The following SUGCT variants were observed in gnomAD, a reference collection of about 807,000 sequenced individuals.
SUGCT encodes succinyl-CoA:glutarate CoA-transferase.
A neutral mutation model predicts 55.0 loss-of-function variants in SUGCT; 41 were observed. That is an observed-to-expected ratio of 0.74 (90% confidence interval 0.58 to 0.97). The LOEUF (loss-of-function observed/expected upper bound fraction) is 0.97. Ranked by LOEUF, SUGCT falls within the 50% of genes least tolerant of loss-of-function variation. The pLI, the probability that SUGCT is intolerant of heterozygous loss-of-function variation, is 0.00. For synonymous variants in SUGCT, 187 were observed against 200.4 expected, an observed-to-expected ratio of 0.93 and a Z score of 0.56; for missense variants, 568 against 547.8, an observed-to-expected ratio of 1.04 and a Z score of -0.37.
intron 12 of SUGCT, among the ~76,000 whole-genome samples, chr7:40,583,750 A>C (rs1584049179): frequency 6.6e-6 from 1 of 152,244 alleles, no homozygotes; most frequent in African/African-American, 2.4e-5. Flanking sequence ...ATCTACTCTG[A>C]ATCTTTGGAT....
Position 40,480,713 on chromosome 7 carries a change from G to A in SUGCT, c.987-15571G>A, listed in dbSNP as rs145682450. On this transcript the variant is annotated intron_variant, in intron 11 of 13. Coordinates refer to ENST00000335693, the MANE Select transcript of SUGCT (RefSeq NM_001193313.2). ...ATGTTGTATAATTTTTAGTGTACACGTCTTTTAATTTTCTGGTTGATTTTT... is the reference window on the plus strand; with the variant it reads ...ATGTTGTATAATTTTTAGTGTACACATCTTTTAATTTTCTGGTTGATTTTT... Among the ~76,000 whole-genome samples, 772 of 151,870 alleles carry A rather than the reference G, an allele frequency of 5.1e-3. 9 individuals carry two copies. Among genetic ancestry groups the A allele is most frequent in the African/African-American group, 0.017 (715 of 41,410 alleles).
At chr7:40,856,827 T>C (rs902307410) in intron 13 of SUGCT, among the ~76,000 whole-genome samples, 5 of 152,274 alleles carry the variant, frequency 3.3e-5, no homozygotes, top group African/African-American at 2.4e-5. Context: ...TCCAGAAGGA[T>C]TGCACCAATT....
chr7:40,684,190 C>T (rs1326851558), intron 12 of SUGCT: 2 of 1,520,068 alleles, frequency 1.3e-6, no homozygotes, highest in Admixed American at 4.4e-5. Flanking sequence ...AAAGGATAAT[C>T]CAGGATAATT....
chr7:40,298,660 A>G (rs1011447848), intron 8 of SUGCT, among the ~76,000 whole-genome samples: 1 of 152,072 alleles, frequency 6.6e-6, no homozygotes, highest in Non-Finnish European at 1.5e-5. Context: ...TTTCCTGACC[A>G]CTATCATGTC....
At chr7:40,768,974 G>C (rs1294130356) in intron 13 of SUGCT, among the ~76,000 whole-genome samples, 5 of 152,140 alleles carry the variant, frequency 3.3e-5, no homozygotes, top group Non-Finnish European at 7.3e-5. Context: ...GAGAAGTCTT[G>C]ACTACAGTGG....
intron 12 of SUGCT, among the ~76,000 whole-genome samples, chr7:40,681,980 G>A (rs76262381): frequency 6.6e-6 from 1 of 152,270 alleles, no homozygotes; most frequent in East Asian, 1.9e-4. Context: ...AGGGGTGCAT[G>A]TGAAGATATC....
chr7:40,259,624 G>A (rs1343250357), intron 7 of SUGCT, among the ~76,000 whole-genome samples: 2 of 152,096 alleles, frequency 1.3e-5, no homozygotes, highest in Non-Finnish European at 2.9e-5. Context: ...CATCACACGA[G>A]GTATATGTGA....
intron 12 of SUGCT, among the ~76,000 whole-genome samples, chr7:40,584,303 G>A (rs923933903): frequency 3.9e-5 from 6 of 152,132 alleles, no homozygotes; most frequent in African/African-American, 1.2e-4. Context: ...TGCCAAACAA[G>A]TAAGTCTTTA....
chr7:40,786,929 G>A (rs1479919242), intron 13 of SUGCT, among the ~76,000 whole-genome samples: 1 of 152,194 alleles, frequency 6.6e-6, no homozygotes, highest in Non-Finnish European at 1.5e-5. Flanking sequence ...GAATGTACCA[G>A]TGCACACAAG....
chr7:40,388,787 T>C (rs1785255131), intron 9 of SUGCT, among the ~76,000 whole-genome samples: 1 of 152,212 alleles, frequency 6.6e-6, no homozygotes, highest in South Asian at 2.1e-4. Context: ...CACATCATCA[T>C]GCTCTGAAGT....
intron 13 of SUGCT, among the ~76,000 whole-genome samples, chr7:40,826,669 G>A (rs1273573147): frequency 6.6e-6 from 1 of 152,180 alleles, no homozygotes; most frequent in Non-Finnish European, 1.5e-5. Flanking sequence ...AGTATGTGGA[G>A]AATGTTGTTA....
intron 13 of SUGCT, among the ~76,000 whole-genome samples, chr7:40,755,499 C>T (rs1156245445): frequency 1.3e-5 from 2 of 152,290 alleles, no homozygotes; most frequent in East Asian, 1.9e-4. Context: ...TTATCACATT[C>T]CAAAGGTTGG....
intron 8 of SUGCT, among the ~76,000 whole-genome samples, chr7:40,304,048 CAA>C (rs529987357): frequency 1.5e-4 from 9 of 61,542 alleles, no homozygotes; most frequent in Non-Finnish European, 1.9e-4. Flanking sequence ...GACTCCATCT[CAA>C]AAAAAAAAAA....
chr7:40,727,541 T>A (rs1180115900), intron 12 of SUGCT, among the ~76,000 whole-genome samples: 1 of 152,224 alleles, frequency 6.6e-6, no homozygotes, highest in Non-Finnish European at 1.5e-5. Context: ...GTGTACTTCA[T>A]GTCTGATATC....
intron 10 of SUGCT, among the ~76,000 whole-genome samples, chr7:40,449,782 T>C (rs1442278724): frequency 6.6e-6 from 1 of 152,192 alleles, no homozygotes; most frequent in East Asian, 1.9e-4. Flanking sequence ...ATATTTATTT[T>C]ATTTACTACT....
chr7:40,410,060 G>A (rs1049387005), intron 9 of SUGCT, among the ~76,000 whole-genome samples: 7 of 152,024 alleles, frequency 4.6e-5, no homozygotes, highest in South Asian at 2.1e-4. Flanking sequence ...TGTGTAGCAC[G>A]AGCGTATATA....
the SUGCT span, among the ~76,000 whole-genome samples, chr7:40,870,174 C>T: frequency 6.6e-6 from 1 of 152,026 alleles, no homozygotes; most frequent in Non-Finnish European, 1.5e-5. Context: ...GGCCAGAAGT[C>T]TTTGGATTTC....
At chr7:40,967,027 A>G in the SUGCT span, 1 of 152,152 alleles carries the variant, frequency 6.6e-6, no homozygotes, top group Admixed American at 6.5e-5. Context: ...GAAAAATTTG[A>G]TGCTTACCAT....
intron 7 of SUGCT, among the ~76,000 whole-genome samples, chr7:40,258,623 T>A (rs545292320): frequency 4.5e-4 from 69 of 152,304 alleles, no homozygotes; most frequent in Non-Finnish European, 8.8e-4. Flanking sequence ...GTGATCCACC[T>A]GCCTTGGCCT....
Sources: allele counts gnomAD v4.1 joint callset (sites outside exome capture counted in the v4.1 genomes callset), GRCh38; gene constraint gnomAD v4.1.1; transcripts MANE v1.5; gene names NCBI Gene and HGNC (gene_info 2026-07-23, HGNC 2026-07-21).